WDR64: variants seen among roughly 807,000 people sequenced by gnomAD.
The protein encoded by WDR64 is WD repeat-containing protein 64.
A neutral mutation model predicts 139.3 loss-of-function variants in WDR64; 112 were observed. That is an observed-to-expected ratio of 0.80 (90% confidence interval 0.69 to 0.94). The LOEUF (loss-of-function observed/expected upper bound fraction) is 0.94, where lower values mean the gene tolerates loss of function less well. Ranked by LOEUF, WDR64 falls within the 40% of genes least tolerant of loss-of-function variation. The pLI is 0.00. For missense variants in WDR64, 1,206 were observed against 1,293.1 expected, an observed-to-expected ratio of 0.93 and a Z score of 1.03; for synonymous variants, 444 against 437.7, an observed-to-expected ratio of 1.01 and a Z score of -0.18.
At chr1:241,684,167 G>C (rs76844584) in intron 7 of WDR64, among the ~76,000 whole-genome samples, 2,955 of 152,252 alleles carry the variant, frequency 0.019, 98 homozygotes, top group African/African-American at 0.068. Context: ...GACATCAAAA[G>C]CTAGTATTTT....
chr1:241,664,699 C>A (rs1471304869), intron 2 of WDR64, among the ~76,000 whole-genome samples: 1 of 151,984 alleles, frequency 6.6e-6, no homozygotes, highest in African/African-American at 2.4e-5. Context: ...AAAATGTCTT[C>A]TTTTATTCAA....
intron 13 of WDR64, among the ~76,000 whole-genome samples, chr1:241,749,141 A>G (rs559663487): frequency 9.2e-5 from 14 of 152,182 alleles, no homozygotes; most frequent in Non-Finnish European, 1.8e-4. Flanking sequence ...AGGAAATGTG[A>G]CAGATTACTG....
At chr1:241,683,383 A>T in intron 6 of WDR64, 104 bp from the exon 7 acceptor site, 2 of 1,082,058 alleles carry the variant, frequency 1.8e-6, no homozygotes, top group Non-Finnish European at 2.7e-6. Flanking sequence ...AGGTGTATCT[A>T]CAATAAGAAA....
Position 241,683,532 on chromosome 1 carries a change from G to GT in WDR64, c.671dup (p.Cys225ValfsTer7), listed in dbSNP as rs1666895056. 6.4e-7 allele frequency: 1 copy of GT among 1,551,746 alleles called. No individual in the cohort carries two copies. Among genetic ancestry groups the GT allele is most frequent in the Non-Finnish European group, 8.7e-7 (1 of 1,146,976 alleles). On this transcript the variant is annotated frameshift_variant, in exon 7 of 28. Transcript: ENST00000437684. LOFTEE classifies it high-confidence loss of function. ...ACCAATGGATCACTGCCTCCTGTGT[G>GT]TGTGTGTGGTGCCTTTGCCTGACCA...
intron 9 of WDR64, among the ~76,000 whole-genome samples, chr1:241,714,126 G>T (rs368918775): frequency 1.6e-4 from 25 of 152,196 alleles, no homozygotes; most frequent in African/African-American, 5.8e-4. Context: ...TCTGGGAGAA[G>T]ATGAGCTCCC....
intron 25 of WDR64, among the ~76,000 whole-genome samples, chr1:241,793,292 C>T (rs1659259525): frequency 6.6e-6 from 1 of 152,170 alleles, no homozygotes; most frequent in South Asian, 2.1e-4. Flanking sequence ...GGTAGATGAG[C>T]AGGAGTGAGG....
rs1225645834 is a variant in WDR64 at position 241,670,973 on chromosome 1, T to C, written c.277-101T>C. On this transcript the variant is annotated intron_variant, in intron 2 of 27. Coordinates refer to ENST00000437684, the MANE Select transcript of WDR64 (RefSeq NM_001367482.1). ...CATTCACAAAGCAGGGTGCTGGCTG[T>C]TAATCCTAACTAGCTTTAAATTCAG... 3 of 833,192 alleles carry C rather than the reference T, an allele frequency of 3.6e-6. No individual in the cohort carries two copies. In the African/African-American group the frequency reaches 5.2e-5, roughly 14 times the overall value. The allele number at this position is 833,192 out of a possible 1,614,324, so 51.6% of individuals were successfully genotyped here.
At chr1:241,663,297 C>T (rs1002405736) in intron 2 of WDR64, among the ~76,000 whole-genome samples, 6 of 152,260 alleles carry the variant, frequency 3.9e-5, no homozygotes, top group African/African-American at 1.4e-4. Context: ...AAGGGGAGAG[C>T]TGGCCCTGAC....
rs939066815 is a variant in WDR64, at chr1:241,674,648, T to C, written c.384T>C (p.Ser128=). 4 of 1,543,002 alleles carry C rather than the reference T, an allele frequency of 2.6e-6. No homozygotes were observed. The African/African-American group carries it at 4.1e-5, about 16-fold the overall frequency. The change falls in exon 4 of 28, where the codon AGT becomes AGC. Residue 128 remains serine (S), a synonymous_variant. Transcript: ENST00000437684. The part of the protein sequence containing the change: ...SRKRRILISG[S]RRRDVIKSIV... ...TGAATATTATGCTGTTGACAGGTAGTAGAAGACGAGATGTGATTAAGAGCA... is the reference window on the plus strand; with the variant it reads ...TGAATATTATGCTGTTGACAGGTAGCAGAAGACGAGATGTGATTAAGAGCA...
At chr1:241,712,281 A>G (rs1311337319) in intron 9 of WDR64, among the ~76,000 whole-genome samples, 2 of 152,180 alleles carry the variant, frequency 1.3e-5, no homozygotes, top group Non-Finnish European at 2.9e-5. Context: ...AATCCTCCAG[A>G]GGAGATCATG....
chr1:241,659,654 T>G (rs576917912), intron 1 of WDR64, among the ~76,000 whole-genome samples: 1 of 152,360 alleles, frequency 6.6e-6, no homozygotes, highest in South Asian at 2.1e-4. Flanking sequence ...ATTTGTGTAA[T>G]GACCAGTGAT....
At chr1:241,754,856 A>G (rs577109039) in intron 14 of WDR64, among the ~76,000 whole-genome samples, 1 of 152,102 alleles carries the variant, frequency 6.6e-6, no homozygotes, top group Non-Finnish European at 1.5e-5. Context: ...TGCTGAGAAT[A>G]ATGGTTTCCA....
intron 9 of WDR64, among the ~76,000 whole-genome samples, chr1:241,714,454 TC>T (rs1487539418): frequency 6.6e-6 from 1 of 152,158 alleles, no homozygotes; most frequent in Admixed American, 6.5e-5. Context: ...TTTCTCACTC[TC>T]AAACATACAC....
At chr1:241,733,831 G>A (rs2148224817) in intron 10 of WDR64, among the ~76,000 whole-genome samples, 1 of 152,040 alleles carries the variant, frequency 6.6e-6, no homozygotes, top group South Asian at 2.1e-4. Flanking sequence ...GCCATGTTCT[G>A]CCCTTTGTTT....
At chr1:241,722,048 T>C (rs1266358192) in intron 9 of WDR64, among the ~76,000 whole-genome samples, 2 of 151,622 alleles carry the variant, frequency 1.3e-5, no homozygotes, top group Admixed American at 1.3e-4. Flanking sequence ...TGTGTGTACA[T>C]ATGATAATAC....
At chr1:241,688,004 T>A (rs1337115223) in intron 8 of WDR64, among the ~76,000 whole-genome samples, 1 of 152,254 alleles carries the variant, frequency 6.6e-6, no homozygotes, top group East Asian at 1.9e-4. Flanking sequence ...CAAGTTGGCA[T>A]CCTCATAGAA....
intron 8 of WDR64, among the ~76,000 whole-genome samples, chr1:241,689,545 A>G (rs1242581688): frequency 1.3e-5 from 2 of 152,166 alleles, no homozygotes; most frequent in Non-Finnish European, 2.9e-5. Context: ...TGCTCTGACA[A>G]TCCTTAATGC....
In WDR64 at chr1:241,674,256, C is replaced by CTTTTTTTTTTTTTTTTTTTTTTT. The variant is rs544401027; in HGVS notation, c.380-384_380-383insTTTTTTTTTTTTTTTTTTTTTTT. Among the ~76,000 whole-genome samples the CTTTTTTTTTTTTTTTTTTTTTTT allele has an allele frequency of 4.1e-5, 5 of 121,350 alleles. 2 individuals are homozygous for CTTTTTTTTTTTTTTTTTTTTTTT. Among genetic ancestry groups the CTTTTTTTTTTTTTTTTTTTTTTT allele is most frequent in the African/African-American group, 6.0e-5 (2 of 33,110 alleles). The allele number at this position is 121,350 out of a possible 152,430, so 79.6% of individuals were successfully genotyped here. ...AAGCTGGCTGTTTATCTTTTTTTTT[C>CTTTTTTTTTTTTTTTTTTTTTTT]TTTTCTTTTTTTTTTTTTTTGAGAC... On this transcript the variant is annotated intron_variant, in intron 3 of 27. Coordinates refer to ENST00000437684, the MANE Select transcript of WDR64 (RefSeq NM_001367482.1).
At chr1:241,731,258 C>T (rs931012068) in intron 10 of WDR64, among the ~76,000 whole-genome samples, 1 of 151,914 alleles carries the variant, frequency 6.6e-6, no homozygotes, top group Non-Finnish European at 1.5e-5. Context: ...CCTGCAGTCC[C>T]AGCTATGCAG....
Sources: gnomAD v4.1 joint callset for allele counts (sites outside exome capture counted in the v4.1 genomes callset) on GRCh38, gnomAD v4.1.1 for gene constraint, MANE v1.5 for transcripts, NCBI Gene and HGNC (gene_info 2026-07-23, HGNC 2026-07-21) for gene names.